The following NCAPG2 variants were observed in gnomAD, a reference collection of about 807,000 sequenced individuals.
The protein encoded by NCAPG2 is non-SMC condensin II complex subunit G2, also known as condensin-2 complex subunit G2.
Under a neutral mutation model 141.1 loss-of-function variants are expected in NCAPG2, and 53 were observed. The observed-to-expected ratio is 0.38, with a 90% CI of 0.30 to 0.47. The LOEUF is 0.47. Among genes scored for constraint, NCAPG2 ranks in the 20% least tolerant of loss-of-function variants. The probability of loss-of-function intolerance (pLI) is 0.99; values close to 1 mark genes in which losing one functional copy is unlikely to be tolerated. For synonymous variants in NCAPG2, 499 were observed against 490.7 expected, an observed-to-expected ratio of 1.02 and a Z score of -0.22; for missense variants, 1,087 against 1,389.0, an observed-to-expected ratio of 0.78 and a Z score of 3.46.
At chr7:158,699,508 TCAGA>T (rs2129469656) in intron 2 of NCAPG2, among the ~76,000 whole-genome samples, 1 of 152,244 alleles carries the variant, frequency 6.6e-6, no homozygotes, top group East Asian at 1.9e-4. Context: ...GAAACACAAC[TCAGA>T]CACCTACCAG....
At chr7:158,652,073 C>G (rs914927113) in intron 23 of NCAPG2, among the ~76,000 whole-genome samples, 4 of 152,128 alleles carry the variant, frequency 2.6e-5, no homozygotes, top group African/African-American at 9.7e-5. Context: ...TGCCTCCAGC[C>G]CATGCACAGG....
chr7:158,656,779 A>G, intron 17 of NCAPG2, 74 bp from the exon 18 acceptor site: 1 of 1,527,818 alleles, frequency 6.5e-7, no homozygotes, highest in Non-Finnish European at 8.9e-7. Flanking sequence ...AGGTGAGGAA[A>G]ACCAAGAAGC....
chr7:158,635,113 C>T (rs1052752954), intron 27 of NCAPG2, among the ~76,000 whole-genome samples: 11 of 152,098 alleles, frequency 7.2e-5, no homozygotes, highest in Non-Finnish European at 1.3e-4. Flanking sequence ...TTGAGAAAAA[C>T]CGTAAGATAA....
chr7:158,647,317 A>G (rs1313177672), intron 24 of NCAPG2, among the ~76,000 whole-genome samples: 1 of 152,150 alleles, frequency 6.6e-6, no homozygotes, highest in East Asian at 1.9e-4. Flanking sequence ...CACCCACTCA[A>G]TGCCTGGGGC....
intron 15 of NCAPG2, among the ~76,000 whole-genome samples, chr7:158,663,130 G>A (rs1366961881): frequency 6.6e-6 from 1 of 152,216 alleles, no homozygotes; most frequent in Non-Finnish European, 1.5e-5. Flanking sequence ...CCACTCACCA[G>A]CACAGACACA....
chr7:158,685,637 G>C (rs1410103444), intron 8 of NCAPG2, among the ~76,000 whole-genome samples: 1 of 152,108 alleles, frequency 6.6e-6, no homozygotes, highest in East Asian at 1.9e-4. Context: ...TATATGTGTA[G>C]GGACTGATGA....
intron 2 of NCAPG2, among the ~76,000 whole-genome samples, chr7:158,700,591 T>C (rs558104790): frequency 6.6e-6 from 1 of 152,376 alleles, no homozygotes; most frequent in African/African-American, 2.4e-5. Context: ...TTTGCTCTTA[T>C]AAACACTTCT....
chr7:158,674,749 C>T (rs1833951843), intron 12 of NCAPG2, among the ~76,000 whole-genome samples: 1 of 152,242 alleles, frequency 6.6e-6, no homozygotes, highest in Admixed American at 6.5e-5. Flanking sequence ...CTGCTTTGTG[C>T]TCAGGGGAGT....
Position 158,693,491 on chromosome 7 carries a change from C to G in NCAPG2, c.85G>C (p.Ala29Pro), listed in dbSNP as rs1835255836. 6.2e-7 allele frequency: 1 copy of G among 1,607,830 alleles called. No homozygotes were observed. The highest frequency in any genetic ancestry group is 8.5e-7 in the Non-Finnish European group (1 of 1,176,940). Residue 29 changes from alanine to proline, a missense_variant, in exon 3 of 28, where the codon GCC becomes CCC. Ala to Pro is a conservative substitution (Grantham distance 27). Coordinates refer to ENST00000356309, the MANE Select transcript of NCAPG2 (RefSeq NM_017760.7). ...TCATTTAGGCTGAAAGGATCAGAGG[C>G]CTCTTTCTGTAACATAAATAGCAAG... ...FLQFVQLDKE[A>P]SDPFSLNELL...
At position 158,644,351 on chromosome 7, in the gene NCAPG2, G is replaced by A; in HGVS notation, c.3318C>T (p.Ala1106=). ...HKSSKVREVA[A]TVHRKLKTFM... is the part of the protein sequence containing the mutation. ...ATGTCTTTAGTTTTCTGTGAACAGT[G>A]GCTGCAACCTCCCTCACTTTTGAGC... The change falls in exon 27 of 28, where the codon GCC becomes GCT. Residue 1106 remains alanine, a synonymous_variant. Transcript: ENST00000356309. 1 of 1,613,994 alleles carries A rather than the reference G, an allele frequency of 6.2e-7. No homozygotes were observed.
chr7:158,686,243 T>A lies in NCAPG2; in HGVS notation c.768-2A>T. 1 of 1,515,520 alleles carries A rather than the reference T, an allele frequency of 6.6e-7. No homozygotes were observed. Among genetic ancestry groups the A allele is most frequent in the Non-Finnish European group, 8.9e-7 (1 of 1,122,692 alleles). 93.9% of individuals were successfully genotyped at this position (1,515,520 alleles called of 1,614,324 possible). On this transcript the variant is annotated splice_acceptor_variant, in intron 7 of 27. Coordinates refer to ENST00000356309, the MANE Select transcript of NCAPG2 (RefSeq NM_017760.7). LOFTEE classifies it high-confidence loss of function. ...TCTGCAATGTATACCATCAAAGACC[T>A]ATATAAAAAGATCAAAATAGTTTTA... is the stretch of plus-strand genomic sequence containing the variant.
chr7:158,667,524 CTTACCTACCCTGTGGCCCTCCACCCG>C lies in NCAPG2; in HGVS notation c.1480-2800_1480-2775del, dbSNP rs1423602608. Among the ~76,000 whole-genome samples, 239 of 63,036 alleles carry C rather than the reference CTTACCTACCCTGTGGCCCTCCACCCG, an allele frequency of 3.8e-3. 9 individuals are homozygous for C. The highest frequency in any genetic ancestry group is 7.9e-3 in the African/African-American group (98 of 12,374). 41.4% of individuals were successfully genotyped at this position (63,036 alleles called of 152,430 possible). Reference sequence around the variant, plus strand: ...CCCACTACTGGGTCCCTCCGCCCTCCTTACCTACCCTGTGGCCCTCCACCCGCTTACCCACTACTGGGTCCCTCCGC... The same window carrying C: ...CCCACTACTGGGTCCCTCCGCCCTCCCTTACCCACTACTGGGTCCCTCCGC... On this transcript the variant is annotated intron_variant, in intron 13 of 27. Coordinates refer to ENST00000356309, the MANE Select transcript of NCAPG2 (RefSeq NM_017760.7).
chr7:158,650,967 A>G lies in NCAPG2; in HGVS notation c.2940T>C (p.Leu980=). Residue 980 remains leucine (L), a synonymous_variant, in exon 24 of 28, where the codon CTT becomes CTC. Transcript: ENST00000356309. ...RKQPEEGLRL[L]YSVQRPLHEF... ...CATGAAGAGGCCTCTGAACAGAATA[A>G]AGCAGCTACAAGAAAACACATACGT... 1 of 1,574,492 alleles carries G rather than the reference A, an allele frequency of 6.4e-7. No individual in the cohort carries two copies. Among genetic ancestry groups the G allele is most frequent in the Non-Finnish European group, 8.6e-7 (1 of 1,167,572 alleles).
chr7:158,644,210 T>C, intron 27 of NCAPG2, 79 bp downstream of exon 27: 2 of 1,240,638 alleles, frequency 1.6e-6, no homozygotes, highest in East Asian at 4.7e-5. Flanking sequence ...GTAGCAGAAA[T>C]GAAAATACAA....
chr7:158,670,994 G>A (rs1833644870), intron 13 of NCAPG2, among the ~76,000 whole-genome samples: 1 of 147,344 alleles, frequency 6.8e-6, no homozygotes, highest in South Asian at 2.1e-4. Context: ...AACTAGAGCT[G>A]AAAGAGAACA....
chr7:158,641,559 GAAAAA>G, intron 27 of NCAPG2: 28 of 483,572 alleles, frequency 5.8e-5, no homozygotes, highest in South Asian at 1.0e-4. Context: ...TCATATCTTG[GAAAAA>G]AAAAAAAAAA....
rs34490108 is a variant in NCAPG2, at chr7:158,678,732, TAAA to T, written c.1146+1225_1146+1227del. ...ATAAAATTTAAAAATAAGGAATCTT[TAAA>T]AAAAAAAAAAGGAATTGTAGATAAA... is the stretch of plus-strand genomic sequence containing the variant. On this transcript the variant is annotated intron_variant, in intron 11 of 27. Coordinates refer to ENST00000356309, the MANE Select transcript of NCAPG2 (RefSeq NM_017760.7). 8.6e-3 allele frequency among the ~76,000 whole-genome samples: 1,252 copies of T among 145,724 alleles called. 16 individuals carry two copies. Among genetic ancestry groups the T allele is most frequent in the African/African-American group, 0.029 (1,173 of 40,020 alleles).
In NCAPG2 at chr7:158,694,823, C is replaced by T. The variant is rs544072254; in HGVS notation, c.79-1326G>A. Among the ~76,000 whole-genome samples the T allele has an allele frequency of 5.3e-5, 8 of 152,012 alleles. No homozygotes were observed. In the East Asian group the frequency reaches 1.6e-3, roughly 30 times the overall value. On this transcript the variant is annotated intron_variant, in intron 2 of 27. Transcript: ENST00000356309. Reference sequence around the variant, plus strand: ...CCTTCATTTTTCATCTAGCTTTTTCCACCTCCGCTTGTTCACTTCTATCTA... The same window carrying T: ...CCTTCATTTTTCATCTAGCTTTTTCTACCTCCGCTTGTTCACTTCTATCTA...
At chr7:158,666,978 G>A (rs1563537049) in intron 13 of NCAPG2, among the ~76,000 whole-genome samples, 1 of 152,108 alleles carries the variant, frequency 6.6e-6, no homozygotes, top group Non-Finnish European at 1.5e-5. Flanking sequence ...GCCAGGCCCG[G>A]CAGCCTGGCT....
Sources: gnomAD v4.1 joint callset for allele counts (sites outside exome capture counted in the v4.1 genomes callset) on GRCh38, gnomAD v4.1.1 for gene constraint, MANE v1.5 for transcripts, NCBI Gene and HGNC (gene_info 2026-07-23, HGNC 2026-07-21) for gene names.